Variants in FAM216A observed in about 807,000 individuals in gnomAD.
FAM216A encodes protein FAM216A.
FAM216A carries 26 observed loss-of-function variants against 37.6 expected under a neutral mutation model. The ratio of observed to expected loss-of-function variants is 0.69; its 90% CI spans 0.51 to 0.96. The LOEUF is 0.96. FAM216A is among the 40% of genes least tolerant of loss of function. FAM216A has a pLI of 0.00. For synonymous variants in FAM216A, 110 were observed against 121.7 expected (o/e 0.90, Z 0.64); for missense variants, 326 against 339.3 (o/e 0.96, Z 0.31).
intron 1 of FAM216A, among the ~76,000 whole-genome samples, chr12:110,472,327 A>G (rs1353545361): frequency 2.0e-5 from 3 of 152,186 alleles, no homozygotes; most frequent in Non-Finnish European, 4.4e-5. Flanking sequence ...TGGATAGCCC[A>G]GGAGCCCCAA....
intron 2 of FAM216A, among the ~76,000 whole-genome samples, chr12:110,484,599 TTATATATAAATAAAATA>T (rs1004676134): frequency 1.3e-5 from 2 of 151,734 alleles, no homozygotes; most frequent in African/African-American, 4.8e-5. Context: ...AAATAATGTA[TTATATATAAATAAAATA>T]TTTATTTACA....
At chr12:110,485,313 A>G (rs1235220901) in intron 3 of FAM216A, 114 bp downstream of exon 3, 2 of 820,802 alleles carry the variant, frequency 2.4e-6, no homozygotes, top group African/African-American at 3.5e-5. Flanking sequence ...AGGCATATGC[A>G]GTATAATTGT....
intron 2 of FAM216A, among the ~76,000 whole-genome samples, chr12:110,476,274 A>G (rs113215060): frequency 6.7e-5 from 10 of 149,638 alleles, no homozygotes; most frequent in African/African-American, 2.5e-4. Context: ...ATCTCGGCTC[A>G]CTGCAAGCTC....
At chr12:110,474,082 AT>A (rs1206774669) in intron 2 of FAM216A, among the ~76,000 whole-genome samples, 2 of 152,166 alleles carry the variant, frequency 1.3e-5, no homozygotes, top group East Asian at 1.9e-4. Context: ...TGGGAAAAAA[AT>A]ATACAGACAT....
chr12:110,475,360 G>C (rs2062709131), intron 2 of FAM216A, among the ~76,000 whole-genome samples: 1 of 152,050 alleles, frequency 6.6e-6, no homozygotes, highest in Admixed American at 6.6e-5. Flanking sequence ...TCATGCCTCA[G>C]CCTCCCAAGT....
intron 2 of FAM216A, among the ~76,000 whole-genome samples, chr12:110,474,882 C>G (rs1201666014): frequency 6.6e-6 from 1 of 151,708 alleles, no homozygotes; most frequent in South Asian, 2.1e-4. Context: ...TCCCTATAAT[C>G]CCAGCTACTC....
intron 2 of FAM216A, among the ~76,000 whole-genome samples, chr12:110,476,114 T>G (rs1350450423): frequency 6.6e-6 from 1 of 152,084 alleles, no homozygotes; most frequent in Non-Finnish European, 1.5e-5. Context: ...CTATAGACCT[T>G]ATTAAGATAT....
intron 3 of FAM216A, 75 bp from the exon 4 acceptor site, chr12:110,486,250 A>G (rs996429264): frequency 2.5e-5 from 35 of 1,422,258 alleles, no homozygotes; most frequent in Non-Finnish European, 3.2e-5. Flanking sequence ...TTGAACATTC[A>G]TCTCTTCAGA....
chr12:110,485,562 G>C (rs2062772811), intron 3 of FAM216A, among the ~76,000 whole-genome samples: 1 of 151,624 alleles, frequency 6.6e-6, no homozygotes, highest in Admixed American at 6.6e-5. Context: ...AAGAAAGCAG[G>C]TAAAGAAAAT....
At chr12:110,480,449 C>T (rs567327408) in intron 2 of FAM216A, among the ~76,000 whole-genome samples, 7 of 151,764 alleles carry the variant, frequency 4.6e-5, no homozygotes, top group East Asian at 3.9e-4. Context: ...GTGATCCGCC[C>T]GCCTCGGCCT....
chr12:110,486,817 T>C (rs923935901), intron 5 of FAM216A, 100 bp downstream of exon 5: 42 of 1,059,430 alleles, frequency 4.0e-5, no homozygotes, highest in Non-Finnish European at 5.3e-5. Context: ...AGTGTAGTGG[T>C]GTGATACAGT....
At chr12:110,489,157 CA>C in intron 6 of FAM216A, among the ~76,000 whole-genome samples, 1 of 152,314 alleles carries the variant, frequency 6.6e-6, no homozygotes, top group Non-Finnish European at 1.5e-5. Context: ...AATGTTAAAT[CA>C]TGTTAAGTAG....
intron 2 of FAM216A, among the ~76,000 whole-genome samples, chr12:110,477,524 T>C (rs2062721473): frequency 6.6e-6 from 1 of 151,274 alleles, no homozygotes; most frequent in African/African-American, 2.4e-5. Context: ...GCCTAATTTT[T>C]TTGTATTTTT....
In FAM216A at chr12:110,486,725, T is replaced by C. The variant is rs760976229; in HGVS notation, c.620+8T>C. The C allele has an allele frequency of 6.2e-6, 10 of 1,605,948 alleles. No individual in the cohort carries two copies. Among genetic ancestry groups the C allele is most frequent in the Middle Eastern group, 1.7e-4 (1 of 6,028 alleles). On this transcript the variant is annotated splice_region_variant and intron_variant, in intron 5 of 6. Coordinates refer to ENST00000377673, the MANE Select transcript of FAM216A (RefSeq NM_013300.3). ...AGTGAGAAACAAAGAAGGGTCTGTT[T>C]CTTAGTGTAAAAGGGGGGAAATGCA...
chr12:110,484,451 A>C (rs1017340841), intron 2 of FAM216A, among the ~76,000 whole-genome samples: 9 of 149,978 alleles, frequency 6.0e-5, no homozygotes, highest in African/African-American at 1.2e-4. Flanking sequence ...AAAAAAAAAA[A>C]AAAACTATAT....
chr12:110,473,852 G>A (rs548285771), intron 2 of FAM216A, among the ~76,000 whole-genome samples: 200 of 152,290 alleles, frequency 1.3e-3, no homozygotes, highest in African/African-American at 4.6e-3. Context: ...CTGGAGTTAA[G>A]AGAGTAGGTA....
chr12:110,489,610 G>A (rs1482760710), intron 6 of FAM216A, among the ~76,000 whole-genome samples: 1 of 152,142 alleles, frequency 6.6e-6, no homozygotes, highest in African/African-American at 2.4e-5. Context: ...GAAAGGGCAG[G>A]AGAGAAGGGG....
intron 2 of FAM216A, among the ~76,000 whole-genome samples, chr12:110,475,721 C>CAAAAA (rs112122723): frequency 1.0e-5 from 1 of 96,996 alleles, no homozygotes; most frequent in African/African-American, 3.4e-5. Flanking sequence ...TCACCCCTGG[C>CAAAAA]AAAAAAAAAA....
rs191412526 is a variant in FAM216A, at chr12:110,484,851, C to T, written c.185-227C>T. The stretch of plus-strand genomic sequence containing the variant: ...CACTGCAAGCTCCGCCTCCCGGGTT[C>T]ACGCCATTCTCCTAAATTTTTTGTA... On this transcript the variant is annotated intron_variant, in intron 2 of 6. Coordinates refer to ENST00000377673, the MANE Select transcript of FAM216A (RefSeq NM_013300.3). 3.8e-4 allele frequency among the ~76,000 whole-genome samples: 57 copies of T among 151,962 alleles called. No individual in the cohort carries two copies. The East Asian group carries it at 0.01, about 27-fold the overall frequency.
Sources: gnomAD v4.1 joint callset for allele counts (sites outside exome capture counted in the v4.1 genomes callset) on GRCh38, gnomAD v4.1.1 for gene constraint, MANE v1.5 for transcripts, NCBI Gene and HGNC (gene_info 2026-07-23, HGNC 2026-07-21) for gene names.